The following SYNDIG1L variants were observed in gnomAD, a reference collection of about 807,000 sequenced individuals.
SYNDIG1L encodes the protein synapse differentiation-inducing gene protein 1-like.
Under a neutral mutation model 20.1 loss-of-function variants are expected in SYNDIG1L, and 13 were observed. The observed-to-expected ratio is 0.65, with a 90% CI of 0.42 to 1.03. The LOEUF (loss-of-function observed/expected upper bound fraction) is 1.03, where lower values mean the gene tolerates loss of function less well. Among genes scored for constraint, SYNDIG1L ranks in the 50% least tolerant of loss-of-function variants. The pLI is 0.00. For missense variants in SYNDIG1L, 294 were observed against 305.1 expected, an observed-to-expected ratio of 0.96 and a Z score of 0.27; for synonymous variants, 128 against 129.3, an observed-to-expected ratio of 0.99 and a Z score of 0.07.
the SYNDIG1L span, among the ~76,000 whole-genome samples, chr14:74,445,202 C>T: frequency 6.6e-6 from 1 of 152,078 alleles, no homozygotes; most frequent in African/African-American, 2.4e-5. Context: ...GTGCGATTCT[C>T]TTCACCTTCT....
chr14:74,439,671 G>A, the SYNDIG1L span, among the ~76,000 whole-genome samples: 6 of 151,846 alleles, frequency 4.0e-5, no homozygotes, highest in South Asian at 2.1e-4. Context: ...ACCTGAGGTC[G>A]GGAGTTCGAG....
chr14:74,422,353 C>A (rs1595199126), intron 1 of SYNDIG1L, among the ~76,000 whole-genome samples: 2 of 151,986 alleles, frequency 1.3e-5, no homozygotes, highest in South Asian at 4.2e-4. Context: ...GCAGAGGGGA[C>A]CTTGCCCCAT....
the SYNDIG1L span, among the ~76,000 whole-genome samples, chr14:74,449,618 AAAAAAG>A: frequency 5.7e-4 from 85 of 150,286 alleles, no homozygotes; most frequent in Admixed American, 6.0e-4. Context: ...CTTAAAAAAA[AAAAAAG>A]AAAAAAGAAA....
chr14:74,434,647 G>A, the SYNDIG1L span, among the ~76,000 whole-genome samples: 1 of 152,076 alleles, frequency 6.6e-6, no homozygotes, highest in Non-Finnish European at 1.5e-5. Flanking sequence ...ATGATAAAGA[G>A]AGGGCAGATA....
chr14:74,473,864 A>C, the SYNDIG1L span: 1 of 152,234 alleles, frequency 6.6e-6, no homozygotes, highest in African/African-American at 2.4e-5. Context: ...TCGGAACTAG[A>C]AGCCAACATT....
At chr14:74,476,371 G>C in the SYNDIG1L span, 1 of 734,578 alleles carries the variant, frequency 1.4e-6, no homozygotes, top group East Asian at 2.7e-5. Context: ...GAGCTAAGCT[G>C]ATCTTTCTGC....
chr14:74,434,137 T>C, the SYNDIG1L span, among the ~76,000 whole-genome samples: 2 of 152,266 alleles, frequency 1.3e-5, no homozygotes, highest in African/African-American at 2.4e-5. Context: ...GGGTTGTCCC[T>C]TGATGGAGGT....
At chr14:74,430,225 T>C (rs992535079), upstream of SYNDIG1L, among the ~76,000 whole-genome samples, 10 of 152,098 alleles carry the variant, frequency 6.6e-5, no homozygotes, top group Non-Finnish European at 1.3e-4. Flanking sequence ...AACTCTGGCA[T>C]CCGCAGGCTG....
chr14:74,417,374 G>A (rs1171678074), intron 1 of SYNDIG1L, among the ~76,000 whole-genome samples: 1 of 152,180 alleles, frequency 6.6e-6, no homozygotes, highest in African/African-American at 2.4e-5. Context: ...TGACCTGATT[G>A]GGAGGAGGCA....
upstream of SYNDIG1L, among the ~76,000 whole-genome samples, chr14:74,427,598 T>A (rs535404592): frequency 1.3e-5 from 2 of 152,300 alleles, no homozygotes; most frequent in Middle Eastern, 3.4e-3. Flanking sequence ...GTTTAACTTG[T>A]TGGGTGCTAA....
At chr14:74,459,342 A>G in the SYNDIG1L span, among the ~76,000 whole-genome samples, 6 of 152,080 alleles carry the variant, frequency 3.9e-5, no homozygotes, top group Non-Finnish European at 7.4e-5. Flanking sequence ...CTGTCTCTAT[A>G]AAAAATACAA....
chr14:74,478,503 A>C, the SYNDIG1L span, among the ~76,000 whole-genome samples: 1 of 152,230 alleles, frequency 6.6e-6, no homozygotes, highest in South Asian at 2.1e-4. Context: ...TCCTAGCTAG[A>C]GGCAAGTACT....
At chr14:74,427,976 T>TA (rs1488501039), upstream of SYNDIG1L, among the ~76,000 whole-genome samples, 2 of 152,174 alleles carry the variant, frequency 1.3e-5, no homozygotes, top group African/African-American at 4.8e-5. Context: ...GAAAGGATAA[T>TA]AAAAAAGCCA....
the SYNDIG1L span, among the ~76,000 whole-genome samples, chr14:74,449,610 TAAAAAA>T: frequency 4.8e-5 from 6 of 124,646 alleles, no homozygotes; most frequent in African/African-American, 1.7e-4. Context: ...GACTGTGCCT[TAAAAAA>T]AAAAAAAGAA....
At chr14:74,429,363 C>G (rs911500771), upstream of SYNDIG1L, among the ~76,000 whole-genome samples, 4 of 152,256 alleles carry the variant, frequency 2.6e-5, no homozygotes, top group Non-Finnish European at 5.9e-5. Context: ...TTGGAGTCAG[C>G]TCCGGCTGCT....
chr14:74,415,286 CT>C (rs1206124969), intron 1 of SYNDIG1L, among the ~76,000 whole-genome samples: 2 of 152,194 alleles, frequency 1.3e-5, no homozygotes, highest in African/African-American at 4.8e-5. Context: ...CGAAAGTTGT[CT>C]CAGGGCAGGA....
the SYNDIG1L span, among the ~76,000 whole-genome samples, chr14:74,458,019 C>T: frequency 1.3e-5 from 2 of 151,998 alleles, no homozygotes; most frequent in Admixed American, 1.3e-4. Flanking sequence ...AGGTTGCTCT[C>T]GAACTCCTGG....
At chr14:74,456,155 C>T in the SYNDIG1L span, among the ~76,000 whole-genome samples, 1 of 152,166 alleles carries the variant, frequency 6.6e-6, no homozygotes, top group Non-Finnish European at 1.5e-5. Flanking sequence ...CTGCCAGCAG[C>T]TGTGTGCCAC....
At chr14:74,441,992 G>T in the SYNDIG1L span, among the ~76,000 whole-genome samples, 2 of 152,206 alleles carry the variant, frequency 1.3e-5, no homozygotes, top group Non-Finnish European at 2.9e-5. Context: ...TCTAGAATCA[G>T]AAAAGCAGGT....
Sources: gnomAD v4.1 joint callset for allele counts (sites outside exome capture counted in the v4.1 genomes callset) on GRCh38, gnomAD v4.1.1 for gene constraint, MANE v1.5 for transcripts, NCBI Gene and HGNC (gene_info 2026-07-23, HGNC 2026-07-21) for gene names.